The following FOXK2 variants were observed in gnomAD, a reference collection of about 807,000 sequenced individuals.
FOXK2 encodes forkhead box K2, also known as forkhead box protein K2.
FOXK2 carries 24 observed loss-of-function variants against 53.3 expected under a neutral mutation model. That is an observed-to-expected ratio of 0.45 (90% CI 0.33 to 0.63). The LOEUF (loss-of-function observed/expected upper bound fraction) is 0.63. Ranked by LOEUF, FOXK2 falls within the 30% of genes least tolerant of loss-of-function variation. FOXK2 has a pLI of 0.03. For missense variants in FOXK2, 952 were observed against 910.5 expected (o/e 1.05, Z -0.59); for synonymous variants, 505 against 407.1 (o/e 1.24, Z -2.89).
At chr17:82,600,517 C>T (rs1382874797) in intron 8 of FOXK2, 1 of 152,250 alleles carries the variant, frequency 6.6e-6, no homozygotes. Flanking sequence ...TCAGAGCTGA[C>T]TGATTTAAAT....
chr17:82,553,727 G>A (rs2044697819), intron 1 of FOXK2, among the ~76,000 whole-genome samples: 1 of 152,234 alleles, frequency 6.6e-6, no homozygotes, highest in Non-Finnish European at 1.5e-5. Flanking sequence ...AATCGGCTAA[G>A]CTCCAGGGAC....
chr17:82,547,123 C>T (rs55670844), intron 1 of FOXK2, among the ~76,000 whole-genome samples: 1,610 of 151,584 alleles, frequency 0.011, 32 homozygotes, highest in African/African-American at 0.037. Context: ...ATACACTGAT[C>T]TCTCTTATAG....
In FOXK2 at chr17:82,586,138, C is replaced by A. The variant is rs1451362812; in HGVS notation, c.1514C>A (p.Ala505Glu). 1.9e-6 allele frequency: 3 copies of A among 1,612,450 alleles called. No individual in the cohort carries two copies. The South Asian group carries it at 3.3e-5, about 18-fold the overall frequency. The stretch of plus-strand genomic sequence containing the variant: ...TCTGGACAAGCTGTGGTCACCCCGG[C>A]AGCCGTGCTGGCCCCTCCTAAGGCA... The part of the protein sequence containing the change: ...TVSGQAVVTP[A>E]AVLAPPKAEA... The change falls in exon 7 of 9, where the codon GCA becomes GAA. Residue 505 changes from alanine to glutamate, a missense_variant. This residue lies in a region of FOXK2 where 551 missense variants were observed against 385.1 expected (regional missense o/e 1.43). Transcript: ENST00000335255.
intron 8 of FOXK2, among the ~76,000 whole-genome samples, chr17:82,594,358 C>T (rs1006076747): frequency 6.6e-6 from 1 of 152,118 alleles, no homozygotes; most frequent in Non-Finnish European, 1.5e-5. Context: ...ATTAGCTGGA[C>T]ATGGTGGCGG....
At chr17:82,586,765 G>A (rs1356959971) in intron 7 of FOXK2, among the ~76,000 whole-genome samples, 1 of 152,134 alleles carries the variant, frequency 6.6e-6, no homozygotes, top group East Asian at 1.9e-4. Flanking sequence ...GCTGGGCATG[G>A]TGGCGGGTGC....
chr17:82,539,521 T>C (rs897312744), intron 1 of FOXK2, among the ~76,000 whole-genome samples: 1 of 151,986 alleles, frequency 6.6e-6, no homozygotes, highest in African/African-American at 2.4e-5. Flanking sequence ...TGGTGGCACA[T>C]GCCTGTGATT....
Position 82,586,007 on chromosome 17 carries a change from G to C in FOXK2, c.1383G>C (p.Ser461=). 5.6e-6 allele frequency: 9 copies of C among 1,612,800 alleles called. No individual in the cohort carries two copies. The highest frequency in any genetic ancestry group is 1.7e-5 in the Admixed American group (1 of 60,020). The change falls in exon 7 of 9, where the codon TCG becomes TCC. Residue 461 remains serine (S), a synonymous_variant. Transcript: ENST00000335255. ...TYTVATPVTT[S]TSQPPVVQTV... The stretch of plus-strand genomic sequence containing the variant: ...CTGTGGCCACCCCAGTGACCACCTC[G>C]ACCTCCCAGCCACCCGTCGTGCAGA...
intron 1 of FOXK2, among the ~76,000 whole-genome samples, chr17:82,556,132 C>T (rs2044722286): frequency 6.6e-6 from 1 of 151,942 alleles, no homozygotes; most frequent in Non-Finnish European, 1.5e-5. Flanking sequence ...CTCACTGACG[C>T]AGTCAGAATC....
In FOXK2 at chr17:82,593,531, G is replaced by GC. The variant is rs1210861105; in HGVS notation, c.1786+6261dup. On this transcript the variant is annotated intron_variant, in intron 8 of 8. Coordinates refer to ENST00000335255, the MANE Select transcript of FOXK2 (RefSeq NM_004514.4). ...GACGGCTATAGCCCCACGCCTGCAG[G>GC]CCACATACCTGGGAGAGTGTGGGCC... 2.0e-5 allele frequency: 3 copies of GC among 152,488 alleles called. No homozygotes were observed. The East Asian group carries it at 5.8e-4, about 29-fold the overall frequency. 9.4% of individuals were successfully genotyped at this position (152,488 alleles called of 1,614,324 possible). A position where few individuals can be genotyped will look rare whatever the true frequency, so the allele number is the denominator to read the frequency against.
chr17:82,596,136 G>T, intron 8 of FOXK2: 1 of 1,036,980 alleles, frequency 9.6e-7, no homozygotes, highest in Non-Finnish European at 1.2e-6. Context: ...GACCGCGATT[G>T]CAGGGAGGAG....
At chr17:82,541,912 A>G (rs1430089137) in intron 1 of FOXK2, among the ~76,000 whole-genome samples, 1 of 149,020 alleles carries the variant, frequency 6.7e-6, no homozygotes, top group Non-Finnish European at 1.5e-5. Flanking sequence ...ATGGAGTCTC[A>G]TTCGGTTTCC....
At chr17:82,567,711 G>A (rs1240307101) in intron 2 of FOXK2, among the ~76,000 whole-genome samples, 2 of 151,940 alleles carry the variant, frequency 1.3e-5, no homozygotes, top group Non-Finnish European at 2.9e-5. Context: ...GTCACTTTGT[G>A]TCTTTAATAA....
At chr17:82,594,939 C>T (rs2045294571) in intron 8 of FOXK2, among the ~76,000 whole-genome samples, 1 of 152,110 alleles carries the variant, frequency 6.6e-6, no homozygotes, top group African/African-American at 2.4e-5. Flanking sequence ...CACCAAGAGG[C>T]TAAGGCAGGG....
intron 1 of FOXK2, among the ~76,000 whole-genome samples, chr17:82,520,756 T>G (rs1177183963): frequency 1.3e-5 from 2 of 152,202 alleles, no homozygotes; most frequent in African/African-American, 2.4e-5. Context: ...TTGTTGTTGT[T>G]GTTCAGTCGT....
At chr17:82,549,847 A>G (rs1396902801) in intron 1 of FOXK2, among the ~76,000 whole-genome samples, 2 of 152,252 alleles carry the variant, frequency 1.3e-5, no homozygotes, top group African/African-American at 4.8e-5. Flanking sequence ...CTTAGAATAT[A>G]GAGCCAGCTT....
chr17:82,561,714 C>T (rs1347988813), intron 1 of FOXK2, among the ~76,000 whole-genome samples: 1 of 152,146 alleles, frequency 6.6e-6, no homozygotes, highest in Non-Finnish European at 1.5e-5. Flanking sequence ...TTCCCGACCC[C>T]GGCTAGAGGG....
chr17:82,544,829 C>T (rs777517823), intron 1 of FOXK2, among the ~76,000 whole-genome samples: 9 of 152,046 alleles, frequency 5.9e-5, no homozygotes, highest in Non-Finnish European at 1.0e-4. Context: ...ACCTGGCTTC[C>T]GTCCAGCTCT....
At chr17:82,529,863 C>A (rs559462932) in intron 1 of FOXK2, among the ~76,000 whole-genome samples, 2 of 151,836 alleles carry the variant, frequency 1.3e-5, no homozygotes, top group Non-Finnish European at 2.9e-5. Flanking sequence ...AACATTGTTA[C>A]GTTTGTAATG....
At chr17:82,566,257 G>A (rs558896161) in intron 2 of FOXK2, among the ~76,000 whole-genome samples, 1 of 151,962 alleles carries the variant, frequency 6.6e-6, no homozygotes, top group East Asian at 1.9e-4. Context: ...AAAAAAAATA[G>A]GCCCCCTGGA....
Sources: gnomAD v4.1 joint callset for allele counts (sites outside exome capture counted in the v4.1 genomes callset) on GRCh38, gnomAD v4.1.1 for gene constraint, gnomAD v4.1.1 regional missense constraint, MANE v1.5 for transcripts, NCBI Gene and HGNC (gene_info 2026-07-23, HGNC 2026-07-21) for gene names.